Variants in SGCD observed in about 807,000 individuals in gnomAD.
SGCD encodes the protein sarcoglycan delta, also known as delta-sarcoglycan.
Under a neutral mutation model 36.6 loss-of-function variants are expected in SGCD, and 18 were observed. That is an observed-to-expected ratio of 0.49 (90% CI 0.34 to 0.73). The LOEUF (loss-of-function observed/expected upper bound fraction) is 0.73, where lower values mean the gene tolerates loss of function less well. Among genes scored for constraint, SGCD ranks in the 30% least tolerant of loss-of-function variants. The probability of loss-of-function intolerance (pLI) is 0.01; values close to 1 mark genes in which losing one functional copy is unlikely to be tolerated. For missense variants in SGCD, 387 were observed against 346.7 expected, an observed-to-expected ratio of 1.12 and a Z score of -0.92; for synonymous variants, 133 against 130.6, an observed-to-expected ratio of 1.02 and a Z score of -0.12.
chr5:156,679,947 G>A (rs1581387939), intron 7 of SGCD, among the ~76,000 whole-genome samples: 1 of 152,124 alleles, frequency 6.6e-6, no homozygotes, highest in East Asian at 1.9e-4. Context: ...CAAACAAAGA[G>A]AATTCCTTCC....
chr5:155,980,492 G>A (rs998731499), intron 1 of SGCD, among the ~76,000 whole-genome samples: 1 of 150,540 alleles, frequency 6.6e-6, no homozygotes, highest in Non-Finnish European at 1.5e-5. Flanking sequence ...GGAGGCTGAG[G>A]CAGAAGAATG....
At chr5:156,193,943 C>T (rs1763958185) in intron 3 of SGCD, among the ~76,000 whole-genome samples, 1 of 152,156 alleles carries the variant, frequency 6.6e-6, no homozygotes, top group African/African-American at 2.4e-5. Context: ...CCACTTCTAT[C>T]AAAAAGTTAA....
chr5:155,914,310 G>C (rs1292101126), intron 1 of SGCD, among the ~76,000 whole-genome samples: 1 of 152,158 alleles, frequency 6.6e-6, no homozygotes, highest in Non-Finnish European at 1.5e-5. Context: ...CCAGCATCTA[G>C]TGTTACTCTA....
At position 155,975,609 on chromosome 5, in the gene SGCD, C is replaced by CCTTTTTTTT. The variant is rs1758096365; in HGVS notation, c.-282+105185_-282+105186insCTTTTTTTT. On this transcript the variant is annotated intron_variant, in intron 1 of 9. Transcript: ENST00000517913. ...TGTGTTATTTATTTTTCTTTCTTTC[C>CCTTTTTTTT]TTTTTTTTTTTTTTTTTTTTTTTTT... is the stretch of plus-strand genomic sequence containing the variant. Among the ~76,000 whole-genome samples, 9 of 28,008 alleles carry CCTTTTTTTT rather than the reference C, an allele frequency of 3.2e-4. 1 individual carries two copies. Among genetic ancestry groups the CCTTTTTTTT allele is most frequent in the African/African-American group, 7.9e-4 (6 of 7,610 alleles). The allele number at this position is 28,008 out of a possible 152,430, so 18.4% of individuals were successfully genotyped here.
intron 7 of SGCD, among the ~76,000 whole-genome samples, chr5:156,686,056 G>T (rs1581397352): frequency 6.6e-6 from 1 of 152,106 alleles, no homozygotes; most frequent in African/African-American, 2.4e-5. Context: ...ACTTTTGAAA[G>T]AATTTTACTC....
chr5:155,783,923 A>C, the SGCD span, among the ~76,000 whole-genome samples: 6 of 152,206 alleles, frequency 3.9e-5, no homozygotes, highest in African/African-American at 1.4e-4. Flanking sequence ...TGGGTTTAGC[A>C]TGATTCGTTG....
chr5:155,916,458 C>T (rs951036676), intron 1 of SGCD, among the ~76,000 whole-genome samples: 2 of 152,042 alleles, frequency 1.3e-5, no homozygotes, highest in African/African-American at 2.4e-5. Context: ...TGCCCCAGTA[C>T]CCTGTTCAGC....
intron 4 of SGCD, among the ~76,000 whole-genome samples, chr5:156,548,358 C>G (rs920538194): frequency 6.6e-6 from 1 of 152,186 alleles, no homozygotes. Flanking sequence ...GCTTTTTGAG[C>G]TGGTTGCCAT....
intron 5 of SGCD, among the ~76,000 whole-genome samples, chr5:156,594,312 A>G (rs1581223743): frequency 1.3e-5 from 2 of 152,322 alleles, no homozygotes; most frequent in East Asian, 3.9e-4. Context: ...ATCTGTTGTC[A>G]TCTGATAAAC....
intron 1 of SGCD, among the ~76,000 whole-genome samples, chr5:156,017,191 G>T (rs751842201): frequency 8.6e-5 from 13 of 152,042 alleles, no homozygotes. Context: ...AAAGTGTCTT[G>T]CCTGCTTTTC....
the SGCD span, among the ~76,000 whole-genome samples, chr5:155,810,104 C>T: frequency 6.6e-5 from 10 of 152,296 alleles, no homozygotes; most frequent in East Asian, 3.9e-4. Context: ...AAAGAACACA[C>T]GTGCTTTGAT....
intron 1 of SGCD, among the ~76,000 whole-genome samples, chr5:155,907,380 CTTA>C (rs1385967737): frequency 1.3e-5 from 2 of 152,042 alleles, no homozygotes; most frequent in African/African-American, 4.8e-5. Context: ...ACTTTCATGT[CTTA>C]TTATTTAGGA....
chr5:156,758,369 TAG>T (rs537798266), intron 8 of SGCD, among the ~76,000 whole-genome samples: 58 of 148,088 alleles, frequency 3.9e-4, no homozygotes, highest in African/African-American at 1.4e-3. Flanking sequence ...TATTTAATCA[TAG>T]AGTTAAAAAA....
intron 1 of SGCD, among the ~76,000 whole-genome samples, chr5:155,903,456 G>T (rs1210342729): frequency 6.6e-6 from 1 of 152,056 alleles, no homozygotes; most frequent in Non-Finnish European, 1.5e-5. Context: ...GTCTGTTGTT[G>T]ATCTTGAGTC....
intron 1 of SGCD, among the ~76,000 whole-genome samples, chr5:156,053,215 C>T (rs779585342): frequency 6.8e-6 from 1 of 146,492 alleles, no homozygotes; most frequent in Non-Finnish European, 1.5e-5. Flanking sequence ...TGTGCTCATC[C>T]TCAACCCTCC....
intron 7 of SGCD, among the ~76,000 whole-genome samples, chr5:156,698,379 C>G (rs1167728825): frequency 1.3e-5 from 2 of 152,182 alleles, no homozygotes; most frequent in African/African-American, 4.8e-5. Context: ...TGTTTTCTCC[C>G]TCATGGTTCT....
At chr5:155,973,639 G>A (rs1224829133) in intron 1 of SGCD, among the ~76,000 whole-genome samples, 2 of 152,154 alleles carry the variant, frequency 1.3e-5, no homozygotes, top group East Asian at 3.9e-4. Flanking sequence ...ATGATGCGCA[G>A]AATGAAATTT....
At chr5:156,350,120 A>C (rs1769163324) in intron 3 of SGCD, among the ~76,000 whole-genome samples, 1 of 151,204 alleles carries the variant, frequency 6.6e-6, no homozygotes, top group African/African-American at 2.4e-5. Flanking sequence ...AGGATGAAAA[A>C]CTACCTGTTG....
intron 3 of SGCD, among the ~76,000 whole-genome samples, chr5:156,249,252 G>A (rs1280438326): frequency 1.3e-5 from 2 of 152,122 alleles, no homozygotes; most frequent in Non-Finnish European, 1.5e-5. Flanking sequence ...GAGAAGGCAG[G>A]ACAGGCCACA....
Sources: allele counts gnomAD v4.1 joint callset (sites outside exome capture counted in the v4.1 genomes callset), GRCh38; gene constraint gnomAD v4.1.1; transcripts MANE v1.5; gene names NCBI Gene and HGNC (gene_info 2026-07-23, HGNC 2026-07-21).